The following QRICH2 variants were observed in gnomAD, a reference collection of about 807,000 sequenced individuals.
The protein encoded by QRICH2 is glutamine rich 2.
Under a neutral mutation model 168.3 loss-of-function variants are expected in QRICH2, and 119 were observed. The observed-to-expected ratio is 0.71, with a 90% CI of 0.61 to 0.82. The LOEUF (loss-of-function observed/expected upper bound fraction) is 0.82, where lower values mean the gene tolerates loss of function less well. Among genes scored for constraint, QRICH2 ranks in the 40% least tolerant of loss-of-function variants. QRICH2 has a pLI of 0.00. For synonymous variants in QRICH2, 894 were observed against 951.2 expected (o/e 0.94, Z 1.11); for missense variants, 2,241 against 2,491.6 (o/e 0.90, Z 2.14).
At chr17:76,297,870 GTTTTTTTTT>G (rs1169251679) in intron 3 of QRICH2, among the ~76,000 whole-genome samples, 21 of 79,492 alleles carry the variant, frequency 2.6e-4, no homozygotes, top group Admixed American at 1.2e-3. Context: ...TTAGGAATCT[GTTTTTTTTT>G]TTTTTTTTTT....
chr17:76,308,004 C>T lies in QRICH2; in HGVS notation c.-6G>A, dbSNP rs2071018259. ...ACCGTGGTCGCGGGCGGCATCGTGGCTGTCAGGAGCTGTGCGCCGCCGCGG... is the reference window on the plus strand; with the variant it reads ...ACCGTGGTCGCGGGCGGCATCGTGGTTGTCAGGAGCTGTGCGCCGCCGCGG... On this transcript the variant is annotated 5_prime_UTR_variant, in exon 1 of 19. Transcript: ENST00000680821. 1.6e-6 allele frequency: 2 copies of T among 1,232,878 alleles called. No homozygotes were observed. Among genetic ancestry groups the T allele is most frequent in the Non-Finnish European group, 2.0e-6 (2 of 988,302 alleles). The allele number at this position is 1,232,878 out of a possible 1,614,324, so 76.4% of individuals were successfully genotyped here. A position where few individuals can be genotyped will look rare whatever the true frequency, so the allele number is the denominator to read the frequency against.
At chr17:76,294,674 G>A (rs2143327793) in intron 3 of QRICH2, among the ~76,000 whole-genome samples, 1 of 151,788 alleles carries the variant, frequency 6.6e-6, no homozygotes, top group South Asian at 2.1e-4. Flanking sequence ...TTAGCTGGGT[G>A]TGATAGTGCA....
intron 1 of QRICH2, among the ~76,000 whole-genome samples, chr17:76,305,870 G>A (rs776118129): frequency 3.9e-5 from 6 of 152,056 alleles, no homozygotes; most frequent in African/African-American, 7.2e-5. Context: ...CTAAGATTAC[G>A]TAAAAATTAA....
chr17:76,310,660 G>T (rs1041545182), upstream of QRICH2: 3 of 151,794 alleles, frequency 2.0e-5, no homozygotes, highest in Non-Finnish European at 4.4e-5. Context: ...TAGACATGGG[G>T]GTTTCGCCAT....
chr17:76,297,522 T>C (rs2678671), intron 3 of QRICH2, among the ~76,000 whole-genome samples: 9 of 148,700 alleles, frequency 6.1e-5, no homozygotes, highest in African/African-American at 1.8e-4. Context: ...AAAAAAAAAA[T>C]ACAAAAATAT....
At chr17:76,297,475 C>A (rs1389121526) in intron 3 of QRICH2, among the ~76,000 whole-genome samples, 1 of 151,816 alleles carries the variant, frequency 6.6e-6, no homozygotes, top group African/African-American at 2.4e-5. Context: ...CCACTGCACT[C>A]CGGCCTGGGC....
chr17:76,291,325 T>C lies in QRICH2; in HGVS notation c.3402A>G (p.Thr1134=), dbSNP rs769828416. 2.4e-5 allele frequency: 39 copies of C among 1,614,056 alleles called. No homozygotes were observed. In the South Asian group the frequency reaches 4.0e-4, roughly 16 times the overall value. Residue 1134 remains threonine (T), a synonymous_variant, in exon 4 of 19, where the codon ACA becomes ACG. Coordinates refer to ENST00000680821, the MANE Select transcript of QRICH2 (RefSeq NM_001388453.1). ...HGQEGLDPNR[T]RASDRHGIPA... ...GAATTCCATGTCGGTCCGAGGCTCG[T>C]GTTCTATTTGGATCCAAACCTTCCT...
chr17:76,290,044 TG>T lies in QRICH2; in HGVS notation c.3745del (p.Gln1249SerfsTer2), dbSNP rs1434558639. 6.2e-7 allele frequency: 1 copy of T among 1,612,410 alleles called. No individual in the cohort carries two copies. Among genetic ancestry groups the T allele is most frequent in the Non-Finnish European group, 8.5e-7 (1 of 1,179,084 alleles). ...GGCTAGCGTCTTTACGGTCTTCAGC[TG>T]CTCCTGCAGTTCAGGAGGTATGGTC... is the stretch of plus-strand genomic sequence containing the variant. ...KRTIPPELQEQLKTVKTLAKE... is the reference protein window; with the variant it reads ...KRTIPPELQEXLKTVKTLAKE... On this transcript the variant is annotated frameshift_variant, in exon 5 of 19. Transcript: ENST00000680821. LOFTEE classifies it high-confidence loss of function.
chr17:76,276,833 G>A lies in QRICH2; in HGVS notation c.5266-66C>T, dbSNP rs551437562. On this transcript the variant is annotated intron_variant, in intron 16 of 18. Transcript: ENST00000680821. Reference sequence around the variant, plus strand: ...CAGCCCTCCCCTGGCCCCTTCACACGGGACTGAGGCACAGAGCACTGTGGT... The same window carrying A: ...CAGCCCTCCCCTGGCCCCTTCACACAGGACTGAGGCACAGAGCACTGTGGT... The A allele has an allele frequency of 1.1e-5, 14 of 1,255,866 alleles. No individual in the cohort carries two copies. The Admixed American group carries it at 1.6e-4, about 14-fold the overall frequency. The allele number at this position is 1,255,866 out of a possible 1,614,324, so 77.8% of individuals were successfully genotyped here. A position where few individuals can be genotyped will look rare whatever the true frequency, so the allele number is the denominator to read the frequency against.
At chr17:76,309,103 A>G (rs1243219751), upstream of QRICH2, among the ~76,000 whole-genome samples, 1 of 142,770 alleles carries the variant, frequency 7.0e-6, no homozygotes, top group African/African-American at 2.5e-5. Context: ...CACACCTGTA[A>G]TCCCAGCACT....
intron 3 of QRICH2, among the ~76,000 whole-genome samples, chr17:76,297,818 A>AAGCAATCTTCCCCCTTC (rs2070821931): frequency 6.7e-6 from 1 of 150,326 alleles, no homozygotes; most frequent in Non-Finnish European, 1.5e-5. Flanking sequence ...TCCTGGGCTC[A>AAGCAATCTTCCCCCTTC]AGCAATCTTC....
Position 76,291,185 on chromosome 17 carries a change from T to C in QRICH2, c.3542A>G (p.Asn1181Ser), listed in dbSNP as rs562418281. Residue 1181 changes from asparagine (N) to serine (S), a missense_variant, in exon 4 of 19, where the codon AAT (asparagine) becomes AGT (serine). Asn to Ser is a conservative substitution (Grantham distance 46). Transcript: ENST00000680821. ...ACTAGAACTCATTCTACGCAGTGAA[T>C]TGCGTCGCTCACTCAGGACTTCACT... is the stretch of plus-strand genomic sequence containing the variant. ...VSSEVLSERR[N>S]SLRRMSSSFP... The C allele has an allele frequency of 4.3e-6, 7 of 1,614,066 alleles. No individual in the cohort carries two copies. The highest frequency in any genetic ancestry group is 1.7e-5 in the Admixed American group (1 of 59,998).
At position 76,290,023 on chromosome 17, in the gene QRICH2, A is replaced by G; in HGVS notation, c.3767T>C (p.Leu1256Pro). ...LQEQLKTVKT[L>P]AKEVWQEKAK... Reference sequence around the variant, plus strand: ...TTTCTCCTGCCAAACTTCTTTGGCTAGCGTCTTTACGGTCTTCAGCTGCTC... The same window carrying G: ...TTTCTCCTGCCAAACTTCTTTGGCTGGCGTCTTTACGGTCTTCAGCTGCTC... The change falls in exon 5 of 19, where the codon CTA becomes CCA. Residue 1256 changes from leucine (L) to proline (P), a missense_variant. By Grantham distance (98) the Leu-to-Pro change is moderately conservative (BLOSUM62 -3). Coordinates refer to ENST00000680821, the MANE Select transcript of QRICH2 (RefSeq NM_001388453.1). 1 of 1,611,222 alleles carries G rather than the reference A, an allele frequency of 6.2e-7. No homozygotes were observed. The highest frequency in any genetic ancestry group is 8.5e-7 in the Non-Finnish European group (1 of 1,178,358).
intron 5 of QRICH2, among the ~76,000 whole-genome samples, chr17:76,288,806 G>A (rs2143260535): frequency 6.6e-6 from 1 of 151,168 alleles, no homozygotes; most frequent in South Asian, 2.1e-4. Context: ...GGCTGCCACA[G>A]ATAATGAAAA....
At chr17:76,297,566 G>A (rs2070817216) in intron 3 of QRICH2, among the ~76,000 whole-genome samples, 1 of 152,082 alleles carries the variant, frequency 6.6e-6, no homozygotes, top group Non-Finnish European at 1.5e-5. Context: ...CACAATGGCT[G>A]GCACCTGATC....
chr17:76,305,099 G>C (rs148359978), intron 1 of QRICH2, among the ~76,000 whole-genome samples, 158 bp from the exon 2 acceptor site: 2 of 151,806 alleles, frequency 1.3e-5, no homozygotes, highest in South Asian at 4.2e-4. Context: ...GACGAGGAAA[G>C]GGGGAATTTG....
chr17:76,288,474 G>A (rs2070931707), intron 5 of QRICH2, among the ~76,000 whole-genome samples: 1 of 151,464 alleles, frequency 6.6e-6, no homozygotes, highest in African/African-American at 2.4e-5. Context: ...GGAGGCTGAG[G>A]TGGGAGGATC....
rs1407494340 is a variant in QRICH2 at position 76,292,046 on chromosome 17, G to A, written c.2681C>T (p.Pro894Leu). 1.2e-6 allele frequency: 2 copies of A among 1,614,196 alleles called. No homozygotes were observed. The highest frequency in any genetic ancestry group is 3.3e-5 in the Admixed American group (2 of 60,018). Reference sequence around the variant, plus strand: ...GACCAAACCAGGCTGATCTGCACCAGGTTGGATCAAACCACGCTGGTCCAT... The same window carrying A: ...GACCAAACCAGGCTGATCTGCACCAAGTTGGATCAAACCACGCTGGTCCAT... ...PGMDQRGLIQPGADQPGLVQP... is the reference protein window; with the variant it reads ...PGMDQRGLIQLGADQPGLVQP... The change falls in exon 4 of 19, where the codon CCT becomes CTT. Residue 894 changes from proline to leucine, a missense_variant. Pro to Leu is a moderately conservative substitution (Grantham distance 98). Transcript: ENST00000680821.
intron 3 of QRICH2, among the ~76,000 whole-genome samples, chr17:76,299,303 G>C (rs1008156436): frequency 6.6e-6 from 1 of 152,126 alleles, no homozygotes; most frequent in African/African-American, 2.4e-5. Flanking sequence ...CGGAAGCAGG[G>C]TGAAGAGTAA....
Sources: gnomAD v4.1 joint callset for allele counts (sites outside exome capture counted in the v4.1 genomes callset) on GRCh38, gnomAD v4.1.1 for gene constraint, MANE v1.5 for transcripts, NCBI Gene and HGNC (gene_info 2026-07-23, HGNC 2026-07-21) for gene names.